Variants in RPIA observed in about 807,000 individuals in gnomAD.
RPIA encodes ribose 5-phosphate isomerase A.
RPIA carries 29 observed loss-of-function variants against 37.8 expected under a neutral mutation model. The observed-to-expected ratio is 0.77, with a 90% CI of 0.57 to 1.05. The LOEUF (loss-of-function observed/expected upper bound fraction) is 1.05, where lower values mean the gene tolerates loss of function less well. Ranked by LOEUF, RPIA falls within the 50% of genes least tolerant of loss-of-function variation. The pLI is 0.00. For missense variants in RPIA, 385 were observed against 413.6 expected (o/e 0.93, Z 0.60); for synonymous variants, 167 against 157.0 (o/e 1.06, Z -0.48).
intron 8 of RPIA, among the ~76,000 whole-genome samples, chr2:88,742,881 G>A (rs948796314): frequency 1.3e-5 from 2 of 152,092 alleles, no homozygotes; most frequent in Non-Finnish European, 2.9e-5. Flanking sequence ...ACTGATTTGT[G>A]CACATTGATT....
intron 3 of RPIA, among the ~76,000 whole-genome samples, chr2:88,702,215 T>C (rs903541432): frequency 1.3e-5 from 2 of 152,228 alleles, no homozygotes; most frequent in African/African-American, 4.8e-5. Flanking sequence ...GTAACTTTCC[T>C]GTTAACCCAG....
intron 3 of RPIA, among the ~76,000 whole-genome samples, chr2:88,727,423 G>A (rs1392645490): frequency 1.3e-5 from 2 of 152,094 alleles, no homozygotes; most frequent in African/African-American, 2.4e-5. Context: ...TTAAAGTTCA[G>A]GGGTACATGT....
In RPIA at chr2:88,747,932, G is replaced by T. The variant is rs139807176; in HGVS notation, c.839-2049G>T. On this transcript the variant is annotated intron_variant, in intron 8 of 8. Coordinates refer to ENST00000283646, the MANE Select transcript of RPIA (RefSeq NM_144563.3). ...CTTGGAGCAAAAGTTCACAATGTGT[G>T]TCTCCACACACTGTTCTGTCTGTCC... 1.7e-4 allele frequency among the ~76,000 whole-genome samples: 26 copies of T among 152,306 alleles called. 2 individuals carry two copies. In the East Asian group the frequency reaches 5.0e-3, roughly 29 times the overall value.
intron 3 of RPIA, among the ~76,000 whole-genome samples, chr2:88,708,496 G>T (rs935400190): frequency 1.3e-5 from 2 of 152,168 alleles, no homozygotes; most frequent in African/African-American, 4.8e-5. Context: ...TCGTCTCCAA[G>T]GAGTACACCG....
intron 8 of RPIA, among the ~76,000 whole-genome samples, chr2:88,745,758 TG>T (rs1287660487): frequency 6.6e-6 from 1 of 152,204 alleles, no homozygotes; most frequent in African/African-American, 2.4e-5. Context: ...TATGCCTAGG[TG>T]GTGATCTTTT....
rs563811161 is a variant in RPIA, at chr2:88,719,951, A to G, written c.403-9327A>G. Among the ~76,000 whole-genome samples the G allele has an allele frequency of 1.8e-4, 28 of 152,244 alleles. 1 individual carries two copies. The highest frequency in any genetic ancestry group is 1.2e-3 in the East Asian group (6 of 5,182). On this transcript the variant is annotated intron_variant, in intron 3 of 8. Coordinates refer to ENST00000283646, the MANE Select transcript of RPIA (RefSeq NM_144563.3). ...GAAACTGAACTTATTTTATCTCTCA[A>G]AATTGGCCCTTACAATCTCACACAC...
intron 1 of RPIA, among the ~76,000 whole-genome samples, chr2:88,696,271 G>A (rs1167670417): frequency 6.6e-6 from 1 of 152,174 alleles, no homozygotes; most frequent in Non-Finnish European, 1.5e-5. Context: ...TTATTCGATT[G>A]AAATGGCTCA....
At chr2:88,735,407 T>G (rs1157682531) in intron 5 of RPIA, among the ~76,000 whole-genome samples, 1 of 152,206 alleles carries the variant, frequency 6.6e-6, no homozygotes, top group Non-Finnish European at 1.5e-5. Context: ...ATGCTCCCTC[T>G]CAGACACATT....
chr2:88,734,183 T>G (rs1395505495), intron 4 of RPIA, among the ~76,000 whole-genome samples: 2 of 150,678 alleles, frequency 1.3e-5, no homozygotes, highest in Admixed American at 1.3e-4. Flanking sequence ...CATTGTAATG[T>G]CTAAGATTTT....
At chr2:88,725,812 G>C (rs1443593686) in intron 3 of RPIA, among the ~76,000 whole-genome samples, 3 of 152,194 alleles carry the variant, frequency 2.0e-5, no homozygotes, top group Non-Finnish European at 4.4e-5. Flanking sequence ...TCTCTGTAGA[G>C]CTGCTGGACC....
intron 1 of RPIA, among the ~76,000 whole-genome samples, 195 bp downstream of exon 1, chr2:88,692,178 G>C (rs1362686608): frequency 6.6e-6 from 1 of 152,198 alleles, no homozygotes; most frequent in Non-Finnish European, 1.5e-5. Context: ...ATGTGGAATC[G>C]GTTGGGGGCG....
At chr2:88,727,467 G>C (rs1206513651) in intron 3 of RPIA, among the ~76,000 whole-genome samples, 1 of 152,148 alleles carries the variant, frequency 6.6e-6, no homozygotes, top group Non-Finnish European at 1.5e-5. Flanking sequence ...ATGTCATGGG[G>C]GTTTGCTGTA....
intron 8 of RPIA, among the ~76,000 whole-genome samples, chr2:88,743,581 C>T (rs1374248029): frequency 6.7e-6 from 1 of 149,088 alleles, no homozygotes; most frequent in East Asian, 2.0e-4. Flanking sequence ...CCCTTTTTTT[C>T]CCATCTTTTG....
chr2:88,711,764 A>G (rs1672964490), intron 3 of RPIA, among the ~76,000 whole-genome samples: 1 of 152,162 alleles, frequency 6.6e-6, no homozygotes, highest in Non-Finnish European at 1.5e-5. Flanking sequence ...TTCTTTCAGG[A>G]CCTGCTGTCA....
At chr2:88,704,721 G>A (rs553585749) in intron 3 of RPIA, among the ~76,000 whole-genome samples, 19 of 152,146 alleles carry the variant, frequency 1.2e-4, no homozygotes, top group South Asian at 4.1e-4. Context: ...AGTTCTGGCC[G>A]GGGCCATCAG....
At position 88,728,892 on chromosome 2, in the gene RPIA, G is replaced by GT. The variant is rs1271174333; in HGVS notation, c.403-381dup. 2.0e-5 allele frequency among the ~76,000 whole-genome samples: 3 copies of GT among 152,308 alleles called. No homozygotes were observed. The East Asian group carries it at 5.8e-4, about 29-fold the overall frequency. ...CATTCATAATGATCTTCCTCAGTCTGTTTTTATACCATTGGATTGTTTTAA... is the reference window on the plus strand; with the variant it reads ...CATTCATAATGATCTTCCTCAGTCTGTTTTTTATACCATTGGATTGTTTTAA... On this transcript the variant is annotated intron_variant, in intron 3 of 8. Transcript: ENST00000283646.
In RPIA at chr2:88,735,742, A is replaced by C. The variant is rs200342264; in HGVS notation, c.596+5A>C. 4.1e-5 allele frequency: 66 copies of C among 1,613,706 alleles called. No individual in the cohort carries two copies. Among genetic ancestry groups the C allele is most frequent in the Middle Eastern group, 1.7e-4 (1 of 6,044 alleles). On this transcript the variant is annotated splice_donor_5th_base_variant and intron_variant, in intron 6 of 8. Transcript: ENST00000283646. ...CATCGTGATCGCTGATTTCAGGTAC[A>C]GTTTCTGGTGTCTGAGCTGCCAACT...
chr2:88,746,247 A>G (rs1412614160), intron 8 of RPIA, among the ~76,000 whole-genome samples: 1 of 151,832 alleles, frequency 6.6e-6, no homozygotes, highest in African/African-American at 2.4e-5. Context: ...AACCTTCTGA[A>G]TTCTTTATCT....
At chr2:88,733,571 G>T (rs140615475) in intron 4 of RPIA, among the ~76,000 whole-genome samples, 173 of 152,304 alleles carry the variant, frequency 1.1e-3, no homozygotes, top group African/African-American at 3.8e-3. Context: ...CCAGAGTGCA[G>T]CCTGGCTCTG....
Sources: allele counts gnomAD v4.1 joint callset (sites outside exome capture counted in the v4.1 genomes callset), GRCh38; gene constraint gnomAD v4.1.1; transcripts MANE v1.5; gene names NCBI Gene and HGNC (gene_info 2026-07-23, HGNC 2026-07-21).